Variants in DRC11 observed in about 807,000 individuals in gnomAD.
DRC11 encodes dynein regulatory complex subunit 11, also known as IQ and AAA domain-containing protein 1.
the DRC11 span, among the ~76,000 whole-genome samples, chr2:236,360,027 A>G: frequency 6.6e-6 from 1 of 152,326 alleles, no homozygotes; most frequent in African/African-American, 2.4e-5. The surrounding 1 kb of genome is among the most constrained non-coding windows in gnomAD (Gnocchi z 5.8). Flanking sequence ...AAGATCGCTT[A>G]TCTGGTATCA....
At chr2:236,391,973 C>T in the DRC11 span, 16 of 1,613,404 alleles carry the variant, frequency 9.9e-6, no homozygotes, top group Admixed American at 1.7e-5. The surrounding 1 kb of genome is among the most constrained non-coding windows in gnomAD (Gnocchi z 4.5). Flanking sequence ...CTTCCCCACT[C>T]ACCTTGTCCT....
chr2:236,345,294 C>G, the DRC11 span, among the ~76,000 whole-genome samples: 1 of 152,186 alleles, frequency 6.6e-6, no homozygotes, highest in African/African-American at 2.4e-5. Flanking sequence ...ACGTCCCTTC[C>G]TTCACAGCAG....
chr2:236,330,395 A>G, the DRC11 span, among the ~76,000 whole-genome samples: 4 of 152,182 alleles, frequency 2.6e-5, no homozygotes, highest in Non-Finnish European at 5.9e-5. This position sits in a 1 kb window ranked among gnomAD's most constrained non-coding sequence, Gnocchi z 5.5. Context: ...AGCCTAAAAT[A>G]TTTACTATCT....
the DRC11 span, among the ~76,000 whole-genome samples, chr2:236,488,685 G>T: frequency 3.2e-3 from 481 of 152,244 alleles, 4 homozygotes; most frequent in African/African-American, 0.011. Context: ...CATTTTGGGG[G>T]CATTTAATTT....
the DRC11 span, chr2:236,497,369 T>C: frequency 1.2e-6 from 2 of 1,613,794 alleles, no homozygotes; most frequent in East Asian, 2.2e-5. The surrounding 1 kb of genome is among the most constrained non-coding windows in gnomAD (Gnocchi z 5.1). Flanking sequence ...ACGTAGAAGG[T>C]GGCTAATGTT....
chr2:236,355,845 A>G, the DRC11 span, among the ~76,000 whole-genome samples: 1 of 152,168 alleles, frequency 6.6e-6, no homozygotes, highest in Non-Finnish European at 1.5e-5. Flanking sequence ...TATGAGCTAC[A>G]GAAACATACC....
At chr2:236,501,502 C>T in the DRC11 span, among the ~76,000 whole-genome samples, 1 of 152,120 alleles carries the variant, frequency 6.6e-6, no homozygotes. Context: ...TCTGCTTGTC[C>T]CACCTCAAAT....
At chr2:236,345,765 T>G in the DRC11 span, among the ~76,000 whole-genome samples, 2 of 152,242 alleles carry the variant, frequency 1.3e-5, no homozygotes, top group African/African-American at 4.8e-5. Flanking sequence ...AATTTGTGCT[T>G]TGTGCGAAAT....
the DRC11 span, among the ~76,000 whole-genome samples, chr2:236,339,315 A>G: frequency 1.3e-5 from 2 of 152,230 alleles, no homozygotes; most frequent in Non-Finnish European, 2.9e-5. Flanking sequence ...ATTAATAGAT[A>G]GAAGTCCCTC....
the DRC11 span, among the ~76,000 whole-genome samples, chr2:236,466,232 TA>T: frequency 2.0e-5 from 3 of 152,236 alleles, no homozygotes; most frequent in African/African-American, 7.2e-5. Flanking sequence ...ACTTAACATC[TA>T]CATTTCTATC....
At chr2:236,368,533 T>C in the DRC11 span, 1 of 483,804 alleles carries the variant, frequency 2.1e-6, no homozygotes, top group African/African-American at 2.0e-5. Flanking sequence ...CTGGGAATGA[T>C]GTTGACTATT....
the DRC11 span, among the ~76,000 whole-genome samples, chr2:236,421,237 C>CA: frequency 2.0e-5 from 3 of 152,058 alleles, no homozygotes; most frequent in East Asian, 5.8e-4. Context: ...AATAGAGACA[C>CA]AAAAAACCCT....
chr2:236,437,916 TCTTTTGCTGTG>T, the DRC11 span, among the ~76,000 whole-genome samples: 1 of 141,862 alleles, frequency 7.0e-6, no homozygotes, highest in South Asian at 2.4e-4. Context: ...GGTGGTAGTT[TCTTTTGCTGTG>T]CAGAAGCTCT....
At chr2:236,380,013 C>T in the DRC11 span, among the ~76,000 whole-genome samples, 3 of 152,218 alleles carry the variant, frequency 2.0e-5, no homozygotes, top group African/African-American at 7.2e-5. This position sits in a 1 kb window ranked among gnomAD's most constrained non-coding sequence, Gnocchi z 4.9. Flanking sequence ...AATTAAATTC[C>T]TTGATAATAT....
the DRC11 span, among the ~76,000 whole-genome samples, chr2:236,470,331 G>A: frequency 6.6e-6 from 1 of 152,202 alleles, no homozygotes; most frequent in Non-Finnish European, 1.5e-5. The surrounding 1 kb of genome is among the most constrained non-coding windows in gnomAD (Gnocchi z 5.1). Context: ...GTTACCAAAG[G>A]TGAAGAAGGA....
the DRC11 span, among the ~76,000 whole-genome samples, chr2:236,470,434 G>T: frequency 6.6e-6 from 1 of 152,082 alleles, no homozygotes; most frequent in African/African-American, 2.4e-5. The surrounding 1 kb of genome is among the most constrained non-coding windows in gnomAD (Gnocchi z 5.1). Flanking sequence ...GGCCCCCCTG[G>T]ACACCTCAGT....
the DRC11 span, among the ~76,000 whole-genome samples, chr2:236,360,518 T>C: frequency 6.6e-6 from 1 of 152,208 alleles, no homozygotes; most frequent in Non-Finnish European, 1.5e-5. The surrounding 1 kb of genome is among the most constrained non-coding windows in gnomAD (Gnocchi z 5.8). Context: ...GGTGTTCTTT[T>C]GGGCAAGAGG....
At chr2:236,436,692 G>C in the DRC11 span, among the ~76,000 whole-genome samples, 1 of 152,234 alleles carries the variant, frequency 6.6e-6, no homozygotes. Context: ...GACTCCTTGA[G>C]TATGAACCTC....
At chr2:236,331,346 G>C in the DRC11 span, 18 of 1,563,016 alleles carry the variant, frequency 1.2e-5, no homozygotes, top group African/African-American at 2.3e-4. The surrounding 1 kb of genome is among the most constrained non-coding windows in gnomAD (Gnocchi z 4.8). Flanking sequence ...TGGTCATCAG[G>C]GTGTTCATTT....
Sources: allele counts gnomAD v4.1 joint callset (sites outside exome capture counted in the v4.1 genomes callset), GRCh38; gene constraint gnomAD v4.1.1; non-coding constraint Gnocchi (gnomAD v3.1); transcripts MANE v1.5; gene names NCBI Gene and HGNC (gene_info 2026-07-23, HGNC 2026-07-21).